FMNL2: variants seen among roughly 807,000 people sequenced by gnomAD.
The protein encoded by FMNL2 is formin-like protein 2.
In FMNL2, 51 loss-of-function variants were observed where a neutral mutation model predicts 130.2. The observed-to-expected ratio is 0.39, with a 90% CI of 0.31 to 0.49. FMNL2 has a LOEUF of 0.49. Ranked by LOEUF, FMNL2 falls within the 20% of genes least tolerant of loss-of-function variation. The pLI, the probability that FMNL2 is intolerant of heterozygous loss-of-function variation, is 0.85. For missense variants in FMNL2, 977 were observed against 1,316.2 expected, an observed-to-expected ratio of 0.74 and a Z score of 3.99; for synonymous variants, 465 against 467.1, an observed-to-expected ratio of 1.00 and a Z score of 0.06.
chr2:152,502,794 T>C (rs963570849), intron 1 of FMNL2, among the ~76,000 whole-genome samples: 2 of 152,092 alleles, frequency 1.3e-5, no homozygotes, highest in African/African-American at 4.8e-5. Context: ...GCGAGTTTAG[T>C]AGCAGGAAAG....
At chr2:152,433,558 C>T (rs16831118) in intron 1 of FMNL2, among the ~76,000 whole-genome samples, 27,664 of 152,042 alleles carry the variant, frequency 0.18, 2,705 homozygotes, top group Middle Eastern at 0.38. Context: ...TGTAGTCTAC[C>T]GTGGACATCA....
intron 1 of FMNL2, among the ~76,000 whole-genome samples, chr2:152,512,548 C>T (rs969764711): frequency 5.3e-5 from 8 of 152,118 alleles, no homozygotes; most frequent in Admixed American, 3.3e-4. Flanking sequence ...ATAATCTGGC[C>T]TTGCAATTAA....
chr2:152,550,023 C>T (rs1250039648), intron 4 of FMNL2, among the ~76,000 whole-genome samples: 1 of 152,148 alleles, frequency 6.6e-6, no homozygotes, highest in Non-Finnish European at 1.5e-5. Flanking sequence ...TATGCTGTAA[C>T]ATACAGTAAG....
intron 1 of FMNL2, among the ~76,000 whole-genome samples, chr2:152,508,464 T>G (rs1692300633): frequency 6.6e-6 from 1 of 152,202 alleles, no homozygotes; most frequent in Non-Finnish European, 1.5e-5. Flanking sequence ...GGAAGCAACA[T>G]TAGGTACTGG....
intron 1 of FMNL2, among the ~76,000 whole-genome samples, chr2:152,403,417 C>A (rs1579582036): frequency 6.6e-6 from 1 of 152,088 alleles, no homozygotes; most frequent in East Asian, 1.9e-4. Context: ...TGTATTCAGT[C>A]ATTTGTATCA....
intron 9 of FMNL2, among the ~76,000 whole-genome samples, chr2:152,603,866 C>G (rs1170939513): frequency 1.3e-5 from 2 of 150,896 alleles, no homozygotes; most frequent in African/African-American, 4.8e-5. Flanking sequence ...ATTTAATGAT[C>G]TAGTTAATCA....
intron 25 of FMNL2, chr2:152,643,898 A>C: frequency 1.0e-6 from 1 of 984,860 alleles, no homozygotes; most frequent in Non-Finnish European, 1.2e-6. Context: ...CATATCCATT[A>C]ATAACAATAA....
chr2:152,347,791 A>G (rs1682210958), intron 1 of FMNL2, among the ~76,000 whole-genome samples: 1 of 152,168 alleles, frequency 6.6e-6, no homozygotes, highest in South Asian at 2.1e-4. Flanking sequence ...TGAGGGGCTC[A>G]TGGCCACGTT....
intron 23 of FMNL2, among the ~76,000 whole-genome samples, chr2:152,638,910 T>C (rs1255287381): frequency 6.6e-6 from 1 of 152,182 alleles, no homozygotes; most frequent in Non-Finnish European, 1.5e-5. Context: ...GGTTGGGAAG[T>C]GGCTGGGGTT....
intron 1 of FMNL2, among the ~76,000 whole-genome samples, chr2:152,501,604 G>A (rs1436955248): frequency 2.0e-5 from 3 of 152,194 alleles, no homozygotes; most frequent in Non-Finnish European, 4.4e-5. Flanking sequence ...TGGGTGAGAG[G>A]GTCTCAGGAA....
intron 6 of FMNL2, among the ~76,000 whole-genome samples, chr2:152,562,411 G>A (rs1178517351): frequency 2.0e-5 from 3 of 152,170 alleles, no homozygotes; most frequent in African/African-American, 7.2e-5. Flanking sequence ...TGAATATGTG[G>A]CTTTCAGACC....
intron 1 of FMNL2, among the ~76,000 whole-genome samples, chr2:152,520,634 G>A (rs1360632590): frequency 1.3e-5 from 2 of 151,666 alleles, no homozygotes; most frequent in Non-Finnish European, 2.9e-5. Flanking sequence ...TTTAAAGACA[G>A]GTTATTGTAA....
At chr2:152,593,890 TGTGTGTGTGTGTGAGA>T (rs1331499210) in intron 9 of FMNL2, among the ~76,000 whole-genome samples, 24 of 112,408 alleles carry the variant, frequency 2.1e-4, no homozygotes, top group Admixed American at 1.5e-3. Context: ...TGTGTGTGTG[TGTGTGTGTGTGTGAGA>T]GAGAGAGAGA....
chr2:152,567,979 C>CT (rs1695948789), intron 6 of FMNL2, among the ~76,000 whole-genome samples: 1 of 152,136 alleles, frequency 6.6e-6, no homozygotes, highest in Non-Finnish European at 1.5e-5. Context: ...TGTGGAAAAC[C>CT]TTTTTGCTAG....
At chr2:152,401,898 C>CTTTTTTTTTT (rs70974858) in intron 1 of FMNL2, among the ~76,000 whole-genome samples, 4 of 78,556 alleles carry the variant, frequency 5.1e-5, no homozygotes, top group African/African-American at 1.6e-4. Flanking sequence ...TGTGTTTAAT[C>CTTTTTTTTTT]TTTTTTTTTT....
intron 2 of FMNL2, among the ~76,000 whole-genome samples, chr2:152,532,448 C>T (rs1693753591): frequency 6.6e-6 from 1 of 152,066 alleles, no homozygotes; most frequent in Non-Finnish European, 1.5e-5. Context: ...AAATTCTAGC[C>T]ATTTTTATGG....
In FMNL2 at chr2:152,451,292, G is replaced by A. The variant is rs1221176088; in HGVS notation, c.118-70651G>A. Among the ~76,000 whole-genome samples the A allele has an allele frequency of 2.0e-5, 3 of 152,088 alleles. No homozygotes were observed. In the East Asian group the frequency reaches 5.8e-4, roughly 29 times the overall value. On this transcript the variant is annotated intron_variant, in intron 1 of 25. Transcript: ENST00000288670. ...GCCTCCCAAGTAGCTGGGACTACAG[G>A]TGTGTGCCACTATGCCCGGCTAATT... is the stretch of plus-strand genomic sequence containing the variant.
At chr2:152,455,758 C>T (rs532164034) in intron 1 of FMNL2, among the ~76,000 whole-genome samples, 45 of 152,238 alleles carry the variant, frequency 3.0e-4, no homozygotes, top group Non-Finnish European at 4.4e-4. Flanking sequence ...TCTGTCACCC[C>T]GCCTAGAGTG....
intron 1 of FMNL2, among the ~76,000 whole-genome samples, chr2:152,436,737 C>G (rs1687790041): frequency 6.6e-6 from 1 of 152,046 alleles, no homozygotes; most frequent in Non-Finnish European, 1.5e-5. Context: ...TCTCAGTAAC[C>G]CATCTAGTAA....
Sources: allele counts gnomAD v4.1 joint callset (sites outside exome capture counted in the v4.1 genomes callset), GRCh38; gene constraint gnomAD v4.1.1; transcripts MANE v1.5; gene names NCBI Gene and HGNC (gene_info 2026-07-23, HGNC 2026-07-21).